The following PPM1D variants were observed in gnomAD, a reference collection of about 807,000 sequenced individuals.
PPM1D encodes protein phosphatase 1D.
PPM1D carries 52 observed loss-of-function variants against 58.3 expected under a neutral mutation model. That is an observed-to-expected ratio of 0.89 (90% CI 0.71 to 1.12). The LOEUF (loss-of-function observed/expected upper bound fraction) is 1.12. PPM1D is among the 50% of genes most tolerant of loss of function. PPM1D has a pLI of 0.00. For synonymous variants in PPM1D, 278 were observed against 285.1 expected (o/e 0.98, Z 0.25); for missense variants, 564 against 777.2 (o/e 0.73, Z 3.26).
intron 3 of PPM1D, among the ~76,000 whole-genome samples, chr17:60,638,809 A>G (rs1428219620): frequency 1.3e-5 from 2 of 152,006 alleles, no homozygotes; most frequent in African/African-American, 4.8e-5. Context: ...CATTTTTCTT[A>G]TAGGTTTTTT....
intron 3 of PPM1D, among the ~76,000 whole-genome samples, chr17:60,642,304 ATC>A (rs1041233583): frequency 7.9e-5 from 12 of 151,988 alleles, no homozygotes; most frequent in African/African-American, 2.9e-4. Flanking sequence ...ATAAAAAAGA[ATC>A]TGTAAGTCTA....
chr17:60,639,218 C>T (rs1004410555), intron 3 of PPM1D, among the ~76,000 whole-genome samples: 6 of 151,658 alleles, frequency 4.0e-5, no homozygotes, highest in African/African-American at 7.3e-5. Context: ...CAGGTTCAAG[C>T]GATTCTCCTG....
At position 60,633,947 on chromosome 17, in the gene PPM1D, A is replaced by G. The variant is rs774431992; in HGVS notation, c.796A>G (p.Ile266Val). 6.2e-7 allele frequency: 1 copy of G among 1,613,812 alleles called. No individual in the cohort carries two copies. The highest frequency in any genetic ancestry group is 8.5e-7 in the Non-Finnish European group (1 of 1,179,830). Residue 266 changes from isoleucine to valine, a missense_variant, in exon 3 of 6, where the codon ATT (isoleucine) becomes GTT (valine). Around this residue, in one of 7 missense-constraint regions of PPM1D, gnomAD observed 95 missense variants for 232.6 expected, o/e 0.41. Coordinates refer to ENST00000305921, the MANE Select transcript of PPM1D (RefSeq NM_003620.4). ...TAGAAGGAGCACAGTTATTGACCAG[A>G]TTCCTTTTCTGGCAGTAGCAAGAGC... is the stretch of plus-strand genomic sequence containing the variant. The part of the protein sequence containing the change: ...PVRRSTVIDQ[I>V]PFLAVARALG...
intron 1 of PPM1D, among the ~76,000 whole-genome samples, chr17:60,610,031 C>T (rs529558319): frequency 3.3e-5 from 5 of 152,016 alleles, no homozygotes; most frequent in African/African-American, 1.2e-4. Flanking sequence ...ATACAAAAAA[C>T]TAGCCGGGCA....
intron 1 of PPM1D, among the ~76,000 whole-genome samples, chr17:60,608,652 G>C (rs1003982154): frequency 6.6e-6 from 1 of 151,932 alleles, no homozygotes; most frequent in Non-Finnish European, 1.5e-5. Context: ...CCTTCTCTCT[G>C]TGTCATATTA....
chr17:60,646,429 CCA>C (rs2031252263), intron 3 of PPM1D, among the ~76,000 whole-genome samples: 1 of 152,120 alleles, frequency 6.6e-6, no homozygotes, highest in Non-Finnish European at 1.5e-5. Flanking sequence ...AACAAAAAAA[CCA>C]GACCTACTGA....
intron 3 of PPM1D, among the ~76,000 whole-genome samples, chr17:60,643,045 C>G (rs2031167331): frequency 7.0e-6 from 1 of 143,364 alleles, no homozygotes; most frequent in African/African-American, 2.7e-5. Context: ...AGCGAGACTC[C>G]GTCTCAAAAG....
chr17:60,639,402 G>A (rs1363605329), intron 3 of PPM1D, among the ~76,000 whole-genome samples: 1 of 151,630 alleles, frequency 6.6e-6, no homozygotes. Context: ...GAGAGCCACA[G>A]CGCCTGGCTA....
chr17:60,628,021 C>A (rs2030845547), intron 2 of PPM1D, among the ~76,000 whole-genome samples: 1 of 151,854 alleles, frequency 6.6e-6, no homozygotes, highest in African/African-American at 2.4e-5. Flanking sequence ...AGGCATGTAC[C>A]ACCACACCCA....
At position 60,663,172 on chromosome 17, in the gene PPM1D, A is replaced by AAT; in HGVS notation, c.1439_1440insTA (p.Lys480AsnfsTer4). ...AGAACCACTTGAAGAAAATTGCGCT[A>AAT]AAGCCCTGACTTTAAGGATACATGA... On this transcript the variant is annotated frameshift_variant, in exon 6 of 6. Transcript: ENST00000305921. LOFTEE classifies it high-confidence loss of function. 6.2e-7 allele frequency: 1 copy of AAT among 1,614,216 alleles called. No individual in the cohort carries two copies. The highest frequency in any genetic ancestry group is 1.1e-5 in the South Asian group (1 of 91,092).
intron 3 of PPM1D, among the ~76,000 whole-genome samples, chr17:60,638,610 C>G (rs2031071143): frequency 6.6e-6 from 1 of 152,096 alleles, no homozygotes; most frequent in African/African-American, 2.4e-5. Context: ...CTCAGTTGAT[C>G]CGCCCACCTC....
chr17:60,628,074 C>T (rs929976356), intron 2 of PPM1D, among the ~76,000 whole-genome samples: 5 of 151,530 alleles, frequency 3.3e-5, no homozygotes, highest in African/African-American at 1.2e-4. Flanking sequence ...TCACGAACTC[C>T]CGACCTCAGG....
At chr17:60,655,202 C>T (rs888347716) in intron 4 of PPM1D, among the ~76,000 whole-genome samples, 4 of 151,996 alleles carry the variant, frequency 2.6e-5, no homozygotes, top group Non-Finnish European at 5.9e-5. Flanking sequence ...TATTCTTTGA[C>T]AATTTTTATG....
At chr17:60,613,275 G>A (rs1393842454) in intron 1 of PPM1D, among the ~76,000 whole-genome samples, 1 of 151,790 alleles carries the variant, frequency 6.6e-6, no homozygotes, top group African/African-American at 2.4e-5. Context: ...CTTAAACAAT[G>A]TATACCTTTT....
At chr17:60,656,565 G>A in intron 4 of PPM1D, 34 bp from the exon 5 acceptor site, 2 of 1,603,058 alleles carry the variant, frequency 1.2e-6, no homozygotes, top group Non-Finnish European at 1.7e-6. Flanking sequence ...CTAAATCTGA[G>A]TTACTTTCCT....
chr17:60,603,222 A>G lies in PPM1D; in HGVS notation c.472+2336A>G, dbSNP rs115708366. ...ATTGGATTGTAGTAATAGTTCTCAAACTTTTTGCTCTCAGAACCCTTTATA... is the reference window on the plus strand; with the variant it reads ...ATTGGATTGTAGTAATAGTTCTCAAGCTTTTTGCTCTCAGAACCCTTTATA... On this transcript the variant is annotated intron_variant, in intron 1 of 5. Coordinates refer to ENST00000305921, the MANE Select transcript of PPM1D (RefSeq NM_003620.4). Among the ~76,000 whole-genome samples, 568 of 152,180 alleles carry G rather than the reference A, an allele frequency of 3.7e-3. 2 individuals carry two copies. The highest frequency in any genetic ancestry group is 0.013 in the African/African-American group (537 of 41,522).
At chr17:60,625,890 G>A (rs545391017) in intron 2 of PPM1D, among the ~76,000 whole-genome samples, 46 of 152,090 alleles carry the variant, frequency 3.0e-4, no homozygotes, top group African/African-American at 1.1e-3. Flanking sequence ...TCAAATTCAG[G>A]TAGCATAAAA....
At chr17:60,642,035 G>A (rs1434113466) in intron 3 of PPM1D, among the ~76,000 whole-genome samples, 1 of 152,222 alleles carries the variant, frequency 6.6e-6, no homozygotes, top group African/African-American at 2.4e-5. Flanking sequence ...GATGTTCTAT[G>A]ATCGTACTTT....
In PPM1D at chr17:60,624,894, C is replaced by T. The variant is rs137934828; in HGVS notation, c.701+1145C>T. 1.8e-3 allele frequency among the ~76,000 whole-genome samples: 274 copies of T among 152,282 alleles called. No homozygotes were observed. The Middle Eastern group carries it at 0.034, about 19-fold the overall frequency. ...GTGGCTCACGTCTGTAATCCTAGCA[C>T]TTTGGGAGACCGAGGCGGGTGGATT... On this transcript the variant is annotated intron_variant, in intron 2 of 5. Coordinates refer to ENST00000305921, the MANE Select transcript of PPM1D (RefSeq NM_003620.4).
Sources: gnomAD v4.1 joint callset for allele counts (sites outside exome capture counted in the v4.1 genomes callset) on GRCh38, gnomAD v4.1.1 for gene constraint, gnomAD v4.1.1 regional missense constraint, MANE v1.5 for transcripts, NCBI Gene and HGNC (gene_info 2026-07-23, HGNC 2026-07-21) for gene names.